KCTD8: variants seen among roughly 807,000 people sequenced by gnomAD.
The protein encoded by KCTD8 is potassium channel tetramerization domain containing 8.
A neutral mutation model predicts 31.5 loss-of-function variants in KCTD8; 27 were observed. The ratio of observed to expected loss-of-function variants is 0.86; its 90% CI spans 0.63 to 1.18. KCTD8 has a LOEUF of 1.18. Among genes scored for constraint, KCTD8 ranks in the 50% most tolerant of loss-of-function variants. The pLI is 0.00. For synonymous variants in KCTD8, 290 were observed against 280.0 expected, an observed-to-expected ratio of 1.04 and a Z score of -0.36; for missense variants, 658 against 647.7, an observed-to-expected ratio of 1.02 and a Z score of -0.17.
intron 1 of KCTD8, among the ~76,000 whole-genome samples, chr4:44,427,129 T>A (rs915488029): frequency 6.6e-6 from 1 of 151,458 alleles, no homozygotes; most frequent in African/African-American, 2.4e-5. Context: ...AGTGCATTCC[T>A]AGAAAACTAG....
At position 44,217,910 on chromosome 4, in the gene KCTD8, A is replaced by T. The variant is rs139230466; in HGVS notation, c.962-42660T>A. Among the ~76,000 whole-genome samples, 1,064 of 152,056 alleles carry T rather than the reference A, an allele frequency of 7.0e-3. 18 individuals are homozygous for T. The highest frequency in any genetic ancestry group is 0.024 in the African/African-American group (999 of 41,504). On this transcript the variant is annotated intron_variant, in intron 1 of 1. Coordinates refer to ENST00000360029, the MANE Select transcript of KCTD8 (RefSeq NM_198353.3). ...GCTTTTGGACTCATTATGAGACACT[A>T]CTGGCTTCTTTCTCCCTCAGCTTTC... is the stretch of plus-strand genomic sequence containing the variant.
intron 1 of KCTD8, among the ~76,000 whole-genome samples, chr4:44,421,888 G>A (rs546515642): frequency 1.5e-4 from 23 of 152,120 alleles, no homozygotes; most frequent in African/African-American, 5.3e-4. Flanking sequence ...AATGCTTATG[G>A]TTTCTAATTT....
At chr4:44,224,613 G>GC (rs1172713676) in intron 1 of KCTD8, among the ~76,000 whole-genome samples, 15 of 152,194 alleles carry the variant, frequency 9.9e-5, no homozygotes, top group Admixed American at 7.9e-4. Context: ...CCTTCATTCT[G>GC]CCCCCATCTT....
At position 44,274,214 on chromosome 4, in the gene KCTD8, G is replaced by A. The variant is rs148966264; in HGVS notation, c.962-98964C>T. On this transcript the variant is annotated intron_variant, in intron 1 of 1. Coordinates refer to ENST00000360029, the MANE Select transcript of KCTD8 (RefSeq NM_198353.3). ...CTGCTTCCCTCCTTGGAATAATTTA[G>A]GGAGATTTAACTTTCTAACTTTAGC... 1.6e-4 allele frequency among the ~76,000 whole-genome samples: 24 copies of A among 151,886 alleles called. No individual in the cohort carries two copies. In the East Asian group the frequency reaches 4.6e-3, roughly 29 times the overall value.
chr4:44,176,096 C>T (rs1414338266), intron 1 of KCTD8, among the ~76,000 whole-genome samples: 1 of 152,200 alleles, frequency 6.6e-6, no homozygotes, highest in African/African-American at 2.4e-5. Context: ...TTAAACACTA[C>T]CACATACCCA....
rs1193748312 is a variant in KCTD8, at chr4:44,324,068, C to CA, written c.961+123494dup. On this transcript the variant is annotated intron_variant, in intron 1 of 1. Coordinates refer to ENST00000360029, the MANE Select transcript of KCTD8 (RefSeq NM_198353.3). The stretch of plus-strand genomic sequence containing the variant: ...TTAAAAAAAAAAAAACAAAACAAAA[C>CA]AAAACAAAAAAAAAAGGAAACCAAA... Among the ~76,000 whole-genome samples the CA allele has an allele frequency of 6.9e-4, 88 of 128,298 alleles. 1 individual carries two copies. The highest frequency in any genetic ancestry group is 4.2e-3 in the Middle Eastern group (1 of 236). 84.2% of individuals were successfully genotyped at this position (128,298 alleles called of 152,430 possible). A position where few individuals can be genotyped will look rare whatever the true frequency, so the allele number is the denominator to read the frequency against.
At chr4:44,214,182 T>A (rs934903670) in intron 1 of KCTD8, among the ~76,000 whole-genome samples, 1 of 152,190 alleles carries the variant, frequency 6.6e-6, no homozygotes, top group African/African-American at 2.4e-5. Flanking sequence ...ATCTCTTATT[T>A]TGTAGGACTC....
At chr4:44,204,495 GTCAT>G (rs1417590980) in intron 1 of KCTD8, among the ~76,000 whole-genome samples, 1 of 152,102 alleles carries the variant, frequency 6.6e-6, no homozygotes, top group African/African-American at 2.4e-5. Context: ...GCAGCCCCCA[GTCAT>G]GTACCCCCTG....
At chr4:44,270,936 T>C (rs1240917152) in intron 1 of KCTD8, among the ~76,000 whole-genome samples, 1 of 152,084 alleles carries the variant, frequency 6.6e-6, no homozygotes, top group Non-Finnish European at 1.5e-5. Flanking sequence ...TCTTCTTTCA[T>C]TCCTACATTC....
chr4:44,238,854 A>G (rs1715366541), intron 1 of KCTD8, among the ~76,000 whole-genome samples: 1 of 152,186 alleles, frequency 6.6e-6, no homozygotes, highest in African/African-American at 2.4e-5. Flanking sequence ...AACTATCAAG[A>G]TGATCTAATA....
At chr4:44,319,439 T>A (rs1166244766) in intron 1 of KCTD8, among the ~76,000 whole-genome samples, 1 of 151,298 alleles carries the variant, frequency 6.6e-6, no homozygotes, top group Non-Finnish European at 1.5e-5. Context: ...GTAGAGGATT[T>A]AGGGACTGAG....
At chr4:44,226,340 C>A (rs868317412) in intron 1 of KCTD8, among the ~76,000 whole-genome samples, 1 of 152,110 alleles carries the variant, frequency 6.6e-6, no homozygotes, top group Non-Finnish European at 1.5e-5. Context: ...TGGCTTTCAG[C>A]TTCATCTATG....
chr4:44,294,320 G>T (rs891340825), intron 1 of KCTD8, among the ~76,000 whole-genome samples: 1 of 152,112 alleles, frequency 6.6e-6, no homozygotes, highest in Non-Finnish European at 1.5e-5. Flanking sequence ...TTGCCCGCTG[G>T]TGCCTATGAG....
chr4:44,184,638 C>T (rs1252295988), intron 1 of KCTD8, among the ~76,000 whole-genome samples: 1 of 152,190 alleles, frequency 6.6e-6, no homozygotes, highest in African/African-American at 2.4e-5. Context: ...CTTTTCTATT[C>T]TCTCATGGTG....
At chr4:44,374,993 A>T (rs972535175) in intron 1 of KCTD8, among the ~76,000 whole-genome samples, 7 of 152,190 alleles carry the variant, frequency 4.6e-5, no homozygotes, top group African/African-American at 1.2e-4. Flanking sequence ...ATTTATTTTA[A>T]AAAATTATCT....
chr4:44,202,900 A>G (rs115394744), intron 1 of KCTD8, among the ~76,000 whole-genome samples: 1,838 of 152,292 alleles, frequency 0.012, 45 homozygotes, highest in African/African-American at 0.042. Flanking sequence ...GAGCAGTATT[A>G]AATAGGAAAA....
At chr4:44,342,301 G>A (rs28829647) in intron 1 of KCTD8, among the ~76,000 whole-genome samples, 32,608 of 150,622 alleles carry the variant, frequency 0.22, 3,598 homozygotes, top group East Asian at 0.29. Flanking sequence ...CCCAGGAGGC[G>A]GAGATTGCAG....
At chr4:44,269,694 G>GA (rs1716518138) in intron 1 of KCTD8, among the ~76,000 whole-genome samples, 1 of 150,170 alleles carries the variant, frequency 6.7e-6, no homozygotes, top group African/African-American at 2.5e-5. Context: ...AAATTTACAA[G>GA]AAAAAAGCAA....
chr4:44,270,015 A>T (rs1403937130), intron 1 of KCTD8, among the ~76,000 whole-genome samples: 1 of 152,136 alleles, frequency 6.6e-6, no homozygotes, highest in Non-Finnish European at 1.5e-5. Flanking sequence ...TAGAAATACC[A>T]TTTGACCCAG....
Sources: allele counts gnomAD v4.1 joint callset (sites outside exome capture counted in the v4.1 genomes callset), GRCh38; gene constraint gnomAD v4.1.1; transcripts MANE v1.5; gene names NCBI Gene and HGNC (gene_info 2026-07-23, HGNC 2026-07-21).